ANKRD36B: variants seen among roughly 807,000 people sequenced by gnomAD.
The protein encoded by ANKRD36B is ankyrin repeat domain 36B.
A neutral mutation model predicts 135.7 loss-of-function variants in ANKRD36B; 37 were observed. That is an observed-to-expected ratio of 0.27 (90% CI 0.21 to 0.36). The LOEUF is 0.36. Among genes scored for constraint, ANKRD36B ranks in the 10% least tolerant of loss-of-function variants. ANKRD36B has a pLI of 1.00. For missense variants in ANKRD36B, 549 were observed against 1,037.1 expected (o/e 0.53, Z 6.46); for synonymous variants, 179 against 348.1 (o/e 0.51, Z 5.41).
rs1354187700 is a variant in ANKRD36B at position 97,530,300 on chromosome 2, G to A, written c.2265+2011C>T. ...GACAACCCTGAGAAAAACAAGCAAC[G>A]GGGAAAGGATTCCCTATTTAATAAA... On this transcript the variant is annotated intron_variant, in intron 35 of 43. Coordinates refer to ENST00000359901, the MANE Select transcript of ANKRD36B (RefSeq NM_001393939.1). Among the ~76,000 whole-genome samples, 7 of 94,982 alleles carry A rather than the reference G, an allele frequency of 7.4e-5. 2 individuals carry two copies. Among genetic ancestry groups the A allele is most frequent in the Non-Finnish European group, 1.4e-4 (5 of 36,030 alleles). The allele number at this position is 94,982 out of a possible 152,430, so 62.3% of individuals were successfully genotyped here.
chr2:97,513,212 C>T lies in ANKRD36B; in HGVS notation c.2773G>A (p.Glu925Lys). Residue 925 changes from glutamate to lysine, a missense_variant, in exon 38 of 44, where the codon GAA becomes AAA. Coordinates refer to ENST00000359901, the MANE Select transcript of ANKRD36B (RefSeq NM_001393939.1). Reference protein sequence around the residue: ...IKPALKSAEVELKTGGNNSNQ... With the variant: ...IKPALKSAEVKLKTGGNNSNQ... Reference sequence around the variant, plus strand: ...GAATTATTTCCTCCTGTCTTCAATTCCACCTCTGCTGATTTGAGAGCCGGT... The same window carrying T: ...GAATTATTTCCTCCTGTCTTCAATTTCACCTCTGCTGATTTGAGAGCCGGT... The T allele has an allele frequency of 2.7e-6, 4 of 1,496,606 alleles. No individual in the cohort carries two copies. Among genetic ancestry groups the T allele is most frequent in the Non-Finnish European group, 3.5e-6 (4 of 1,128,926 alleles). 92.7% of individuals were successfully genotyped at this position (1,496,606 alleles called of 1,614,324 possible). A position where few individuals can be genotyped will look rare whatever the true frequency, so the allele number is the denominator to read the frequency against.
At chr2:97,574,058 AGCTTC>A (rs1369564528) in intron 6 of ANKRD36B, among the ~76,000 whole-genome samples, 1 of 152,202 alleles carries the variant, frequency 6.6e-6, no homozygotes, top group Non-Finnish European at 1.5e-5. Context: ...TAAACTAAAG[AGCTTC>A]TGCACAGCAA....
At chr2:97,547,421 A>C in intron 22 of ANKRD36B, 115 bp downstream of exon 22, 1 of 1,133,610 alleles carries the variant, frequency 8.8e-7, no homozygotes, top group South Asian at 1.4e-5. Context: ...GAAGAATCTC[A>C]GGACTGCTGA....
chr2:97,553,765 T>G (rs2080260680), intron 14 of ANKRD36B, among the ~76,000 whole-genome samples: 2 of 151,848 alleles, frequency 1.3e-5, no homozygotes, highest in Non-Finnish European at 2.9e-5. Context: ...TCCAAATGAT[T>G]TACACCATTA....
intron 8 of ANKRD36B, among the ~76,000 whole-genome samples, chr2:97,560,080 C>A (rs557256331): frequency 6.6e-6 from 1 of 151,890 alleles, no homozygotes. Context: ...CAGCCAAAAT[C>A]AAATCTTCTT....
chr2:97,563,728 G>A (rs1200801930), intron 6 of ANKRD36B, among the ~76,000 whole-genome samples: 1 of 152,096 alleles, frequency 6.6e-6, no homozygotes, highest in Non-Finnish European at 1.5e-5. Flanking sequence ...ATGCTTTAAG[G>A]GGGAAACAGT....
intron 16 of ANKRD36B, among the ~76,000 whole-genome samples, chr2:97,551,731 AG>A (rs1426639508): frequency 6.6e-6 from 1 of 151,980 alleles, no homozygotes; most frequent in East Asian, 1.9e-4. Context: ...CTAAAATCAA[AG>A]GTTGTCAACA....
At position 97,528,939 on chromosome 2, in the gene ANKRD36B, G is replaced by A. The variant is rs550916347; in HGVS notation, c.2265+3372C>T. 6.1e-4 allele frequency among the ~76,000 whole-genome samples: 59 copies of A among 96,088 alleles called. 10 individuals carry two copies. The East Asian group carries it at 0.01, about 16-fold the overall frequency. 63.0% of individuals were successfully genotyped at this position (96,088 alleles called of 152,430 possible). On this transcript the variant is annotated intron_variant, in intron 35 of 43. Coordinates refer to ENST00000359901, the MANE Select transcript of ANKRD36B (RefSeq NM_001393939.1). ...AGCTTACCAACCAAAAAGAGTCCAG[G>A]ACCAGATGGATTCACAGTCGCATTC...
Position 97,537,945 on chromosome 2 carries a change from T to C in ANKRD36B, c.2089+223A>G, listed in dbSNP as rs1315952497. On this transcript the variant is annotated intron_variant, in intron 32 of 43. Transcript: ENST00000359901. ...TCTTGAACTGTTTTCCAACGGTTCT[T>C]CTACACAATTTCAATGTAGGGAAGT... Among the ~76,000 whole-genome samples the C allele has an allele frequency of 6.2e-5, 6 of 96,770 alleles. 2 individuals carry two copies. The East Asian group carries it at 6.9e-4, about 11-fold the overall frequency. 63.5% of individuals were successfully genotyped at this position (96,770 alleles called of 152,430 possible).
At chr2:97,574,270 CA>C (rs1333317194) in intron 6 of ANKRD36B, among the ~76,000 whole-genome samples, 8 of 151,858 alleles carry the variant, frequency 5.3e-5, no homozygotes, top group Admixed American at 3.9e-4. Flanking sequence ...TTTATGCAGC[CA>C]AAAAACACAT....
At position 97,547,621 on chromosome 2, in the gene ANKRD36B, T is replaced by A. The variant is rs13017744; in HGVS notation, c.1507-13A>T. 0.61 allele frequency: 946,585 copies of A among 1,553,940 alleles called. 304,860 individuals carry two copies. The highest frequency in any genetic ancestry group is 0.67 in the Non-Finnish European group (765,730 of 1,141,524). On this transcript the variant is annotated splice_polypyrimidine_tract_variant and intron_variant, in intron 21 of 43. Coordinates refer to ENST00000359901, the MANE Select transcript of ANKRD36B (RefSeq NM_001393939.1). ...CGTCTCTTGTAGCCTGAATGGAATT[T>A]GAAATGAAATAATAAATTAATAAAG...
chr2:97,567,737 A>G (rs1045288296), intron 6 of ANKRD36B, among the ~76,000 whole-genome samples: 2 of 152,178 alleles, frequency 1.3e-5, no homozygotes, highest in Admixed American at 6.6e-5. Context: ...CAGTCTGCCC[A>G]AGATGTGAAT....
At chr2:97,558,358 T>C (rs2080719714) in intron 10 of ANKRD36B, among the ~76,000 whole-genome samples, 1 of 152,020 alleles carries the variant, frequency 6.6e-6, no homozygotes, top group South Asian at 2.1e-4. Context: ...ATCCTCTTCC[T>C]TGAGGAAAGT....
At chr2:97,571,673 A>C (rs1010760827) in intron 6 of ANKRD36B, among the ~76,000 whole-genome samples, 10 of 152,168 alleles carry the variant, frequency 6.6e-5, no homozygotes, top group African/African-American at 2.2e-4. Context: ...TAAAAACATA[A>C]GTAAAATAAT....
intron 18 of ANKRD36B, 89 bp from the exon 19 acceptor site, chr2:97,549,703 C>A: frequency 1.3e-6 from 2 of 1,589,332 alleles, no homozygotes; most frequent in Non-Finnish European, 1.7e-6. Context: ...CAAACTCTGT[C>A]CTCCTGCCTG....
rs2079112803 is a variant in ANKRD36B at position 97,540,799 on chromosome 2, T to G, written c.1886-570A>C. 2.1e-5 allele frequency among the ~76,000 whole-genome samples: 2 copies of G among 96,518 alleles called. 1 individual carries two copies. The highest frequency in any genetic ancestry group is 6.2e-5 in the African/African-American group (2 of 32,258). 63.3% of individuals were successfully genotyped at this position (96,518 alleles called of 152,430 possible). On this transcript the variant is annotated intron_variant, in intron 28 of 43. Coordinates refer to ENST00000359901, the MANE Select transcript of ANKRD36B (RefSeq NM_001393939.1). ...GCTGAAACTGAGTAGATAATATTTA[T>G]TATTCCTCAAACCCACGTGGTGTAA... is the stretch of plus-strand genomic sequence containing the variant.
chr2:97,581,155 A>C (rs1383741353), intron 3 of ANKRD36B, among the ~76,000 whole-genome samples: 1 of 141,516 alleles, frequency 7.1e-6, no homozygotes, highest in Non-Finnish European at 1.5e-5. Context: ...TTTGAACTTC[A>C]CCTAATCCCT....
intron 18 of ANKRD36B, 53 bp downstream of exon 18, chr2:97,551,236 G>A (rs932408464): frequency 2.0e-6 from 3 of 1,534,286 alleles, no homozygotes; most frequent in Non-Finnish European, 2.6e-6. Context: ...ATTCGGGGAA[G>A]AGAACTTCTT....
chr2:97,559,096 A>G, intron 8 of ANKRD36B, 102 bp from the exon 9 acceptor site: 1 of 1,513,346 alleles, frequency 6.6e-7, no homozygotes, highest in South Asian at 1.3e-5. Flanking sequence ...TCCTGCCTGT[A>G]CTAGTGTAGG....
Sources: gnomAD v4.1 joint callset for allele counts (sites outside exome capture counted in the v4.1 genomes callset) on GRCh38, gnomAD v4.1.1 for gene constraint, MANE v1.5 for transcripts, NCBI Gene and HGNC (gene_info 2026-07-23, HGNC 2026-07-21) for gene names.